KCNH1: variants seen among roughly 807,000 people sequenced by gnomAD.
KCNH1 encodes the protein potassium voltage-gated channel subfamily H member 1, also known as voltage-gated delayed rectifier potassium channel KCNH1.
KCNH1 carries 27 observed loss-of-function variants against 69.2 expected under a neutral mutation model. The observed-to-expected ratio is 0.39, with a 90% CI of 0.29 to 0.54. The LOEUF (loss-of-function observed/expected upper bound fraction) is 0.54, where lower values mean the gene tolerates loss of function less well. KCNH1 is among the 20% of genes least tolerant of loss of function. KCNH1 has a pLI of 0.68. For missense variants in KCNH1, 798 were observed against 1,261.6 expected, an observed-to-expected ratio of 0.63 and a Z score of 5.57; for synonymous variants, 456 against 487.7, an observed-to-expected ratio of 0.93 and a Z score of 0.86.
intron 6 of KCNH1, among the ~76,000 whole-genome samples, chr1:210,991,044 G>A (rs1052687642): frequency 3.3e-5 from 5 of 152,070 alleles, no homozygotes; most frequent in Non-Finnish European, 4.4e-5. Flanking sequence ...ATTGCAGAAA[G>A]AGTCCTCAAA....
At chr1:211,126,340 C>A (rs1691775920) in intron 1 of KCNH1, among the ~76,000 whole-genome samples, 1 of 152,178 alleles carries the variant, frequency 6.6e-6, no homozygotes, top group Non-Finnish European at 1.5e-5. Flanking sequence ...GAAGCCCTAT[C>A]TCTACTAAAA....
At chr1:210,713,544 A>G (rs1009349795) in intron 10 of KCNH1, among the ~76,000 whole-genome samples, 2 of 152,228 alleles carry the variant, frequency 1.3e-5, no homozygotes, top group African/African-American at 2.4e-5. Flanking sequence ...CTCTCCATAA[A>G]GAAATAGATC....
intron 9 of KCNH1, among the ~76,000 whole-genome samples, chr1:210,781,721 T>G (rs77940165): frequency 6.6e-6 from 1 of 152,332 alleles, no homozygotes; most frequent in Non-Finnish European, 1.5e-5. Context: ...CTTCAGTTCG[T>G]ACAGCCATGA....
chr1:211,110,247 C>A (rs1326745710), intron 1 of KCNH1, among the ~76,000 whole-genome samples: 1 of 151,948 alleles, frequency 6.6e-6, no homozygotes, highest in Non-Finnish European at 1.5e-5. Flanking sequence ...TGTGTACCAG[C>A]AAAATGAGGG....
chr1:210,806,836 AAT>A (rs1553346590), intron 7 of KCNH1, among the ~76,000 whole-genome samples: 44 of 85,642 alleles, frequency 5.1e-4, no homozygotes, highest in African/African-American at 1.8e-3. Flanking sequence ...AAAAAAAAAA[AAT>A]ATATATATAT....
chr1:211,056,418 T>C lies in KCNH1; in HGVS notation c.558+26362A>G, dbSNP rs1690306322. ...ACCTAAGGTTCATGACTCCGGGCCC[T>C]GGCTCCTGGACAGTATCTCTGGACC... is the stretch of plus-strand genomic sequence containing the variant. On this transcript the variant is annotated intron_variant, in intron 5 of 10. Coordinates refer to ENST00000271751, the MANE Select transcript of KCNH1 (RefSeq NM_172362.3). Among the ~76,000 whole-genome samples, 5 of 152,222 alleles carry C rather than the reference T, an allele frequency of 3.3e-5. No individual in the cohort carries two copies. In the South Asian group the frequency reaches 1.0e-3, roughly 32 times the overall value.
At chr1:210,719,137 C>T (rs998893067) in intron 10 of KCNH1, among the ~76,000 whole-genome samples, 4 of 152,116 alleles carry the variant, frequency 2.6e-5, no homozygotes, top group Non-Finnish European at 5.9e-5. Flanking sequence ...GGCATTAGCT[C>T]AGTTGCATTA....
chr1:210,798,551 T>A (rs565920475), intron 8 of KCNH1, among the ~76,000 whole-genome samples: 11 of 152,148 alleles, frequency 7.2e-5, no homozygotes, highest in Non-Finnish European at 1.6e-4. Flanking sequence ...TTATTCCAAG[T>A]ATGATAGAGA....
At chr1:210,812,105 T>A (rs113404698) in intron 7 of KCNH1, among the ~76,000 whole-genome samples, 5 of 152,336 alleles carry the variant, frequency 3.3e-5, no homozygotes, top group African/African-American at 1.2e-4. Context: ...CTATTGCAAT[T>A]CCTTCTTGTA....
intron 7 of KCNH1, among the ~76,000 whole-genome samples, chr1:210,851,719 G>A (rs751558099): frequency 5.3e-5 from 8 of 152,204 alleles, no homozygotes; most frequent in Non-Finnish European, 1.2e-4. Flanking sequence ...CTACAAACCT[G>A]TACGCCTTGT....
chr1:211,087,606 T>TAC (rs59377189), intron 4 of KCNH1, among the ~76,000 whole-genome samples: 8,799 of 142,392 alleles, frequency 0.062, 719 homozygotes, highest in African/African-American at 0.19. Context: ...CCTTTAAGCA[T>TAC]ACACACACAC....
chr1:210,976,892 G>A (rs1688623070), intron 6 of KCNH1, among the ~76,000 whole-genome samples: 1 of 146,452 alleles, frequency 6.8e-6, no homozygotes, highest in Admixed American at 6.9e-5. Flanking sequence ...GTGGAAGTCA[G>A]TGTGGCGAGT....
At chr1:211,027,955 TAGA>T in intron 5 of KCNH1, among the ~76,000 whole-genome samples, 1 of 152,216 alleles carries the variant, frequency 6.6e-6, no homozygotes, top group Non-Finnish European at 1.5e-5. Flanking sequence ...CAATAAGATA[TAGA>T]AGAACTCAAC....
intron 7 of KCNH1, among the ~76,000 whole-genome samples, chr1:210,855,892 AT>A (rs1171907994): frequency 1.3e-4 from 20 of 152,108 alleles, no homozygotes; most frequent in Admixed American, 3.9e-4. Context: ...GCAAAAAATA[AT>A]TTCACAAGCA....
intron 6 of KCNH1, among the ~76,000 whole-genome samples, chr1:211,002,596 A>T (rs1239222692): frequency 6.6e-6 from 1 of 152,100 alleles, no homozygotes; most frequent in South Asian, 2.1e-4. Flanking sequence ...TAAAAGGAAA[A>T]ATCAAGAATT....
intron 7 of KCNH1, among the ~76,000 whole-genome samples, chr1:210,880,929 T>C (rs996072262): frequency 3.3e-5 from 5 of 151,856 alleles, no homozygotes; most frequent in South Asian, 4.2e-4. Flanking sequence ...AGAGACCTTA[T>C]GAAGGACAAT....
intron 6 of KCNH1, among the ~76,000 whole-genome samples, chr1:211,011,437 T>C (rs1157687669): frequency 1.3e-5 from 2 of 152,220 alleles, no homozygotes; most frequent in African/African-American, 4.8e-5. Context: ...GCAATAAACA[T>C]ATGTGTGCCT....
At chr1:210,982,951 T>C (rs1009303731) in intron 6 of KCNH1, among the ~76,000 whole-genome samples, 9 of 152,232 alleles carry the variant, frequency 5.9e-5, no homozygotes, top group African/African-American at 2.2e-4. Flanking sequence ...GACTTTTTAA[T>C]GATCGCCATT....
chr1:210,706,358 A>G (rs890790085), intron 10 of KCNH1, among the ~76,000 whole-genome samples: 3 of 152,248 alleles, frequency 2.0e-5, no homozygotes, highest in African/African-American at 7.2e-5. Context: ...GGGGATGCAA[A>G]TAACCTTTAA....
Sources: allele counts gnomAD v4.1 joint callset (sites outside exome capture counted in the v4.1 genomes callset), GRCh38; gene constraint gnomAD v4.1.1; transcripts MANE v1.5; gene names NCBI Gene and HGNC (gene_info 2026-07-23, HGNC 2026-07-21).